The following SLC2A2 variants were observed in gnomAD, a reference collection of about 807,000 sequenced individuals.
SLC2A2 encodes solute carrier family 2 member 2.
Under a neutral mutation model 54.5 loss-of-function variants are expected in SLC2A2, and 36 were observed. The observed-to-expected ratio is 0.66, with a 90% CI of 0.51 to 0.87. The LOEUF is 0.87. SLC2A2 is among the 40% of genes least tolerant of loss of function. The pLI is 0.00. For missense variants in SLC2A2, 543 were observed against 624.3 expected (o/e 0.87, Z 1.39); for synonymous variants, 223 against 219.1 (o/e 1.02, Z -0.16).
intron 3 of SLC2A2, among the ~76,000 whole-genome samples, chr3:171,013,911 G>A (rs1168519458): frequency 6.2e-5 from 7 of 113,472 alleles, no homozygotes; most frequent in African/African-American, 3.1e-4. Context: ...ATAAATGGGG[G>A]TATCTCTTGC....
intron 7 of SLC2A2, among the ~76,000 whole-genome samples, chr3:171,004,373 A>G (rs1715484550): frequency 6.6e-6 from 1 of 152,010 alleles, no homozygotes. Context: ...AATAAACATC[A>G]AGGACCTCTT....
chr3:170,998,939 G>C, intron 9 of SLC2A2, 126 bp downstream of exon 9: 1 of 764,310 alleles, frequency 1.3e-6, no homozygotes, highest in Non-Finnish European at 2.4e-6. Flanking sequence ...TTATGCTGTT[G>C]CTCTGGCTTT....
chr3:171,002,582 A>G lies in SLC2A2; in HGVS notation c.1062T>C (p.Ala354=), dbSNP rs1036836858. Residue 354 remains alanine, a synonymous_variant, in exon 8 of 11, where the codon GCT becomes GCC. Coordinates refer to ENST00000314251, the MANE Select transcript of SLC2A2 (RefSeq NM_000340.2). ...ATCTAGGGCATTGACTTACAGAGAC[A>G]GCAGTGAAAACCATGTTTACAGCGC... ...GVGAVNMVFT[A]VSVFLVEKAG... is the part of the protein sequence containing the mutation. 1 of 1,595,662 alleles carries G rather than the reference A, an allele frequency of 6.3e-7. No individual in the cohort carries two copies. The highest frequency in any genetic ancestry group is 8.6e-7 in the Non-Finnish European group (1 of 1,164,290).
In SLC2A2 at chr3:170,998,404, A is replaced by G; in HGVS notation, c.1171-8T>C. 6.2e-7 allele frequency: 1 copy of G among 1,612,142 alleles called. No individual in the cohort carries two copies. The highest frequency in any genetic ancestry group is 1.7e-4 in the Middle Eastern group (1 of 6,056). On this transcript the variant is annotated splice_polypyrimidine_tract_variant and splice_region_variant and intron_variant, in intron 9 of 10. Transcript: ENST00000314251. ...CATCCAAGAGAACTTATTCTGAGGA[A>G]AAAAACAAAAACAATAGTGGGACTG... is the stretch of plus-strand genomic sequence containing the variant.
At chr3:171,023,057 G>A (rs1230887068) in intron 1 of SLC2A2, among the ~76,000 whole-genome samples, 2 of 152,182 alleles carry the variant, frequency 1.3e-5, no homozygotes, top group Non-Finnish European at 2.9e-5. Context: ...GAAGGAGATA[G>A]GAGAGTTTTT....
intron 1 of SLC2A2, among the ~76,000 whole-genome samples, chr3:171,022,034 T>G (rs1716487886): frequency 1.3e-5 from 2 of 152,308 alleles, no homozygotes; most frequent in South Asian, 4.2e-4. Context: ...TGTAAAGTCT[T>G]TTGCCACATA....
rs1234105767 is a variant in SLC2A2, at chr3:170,997,780, T to A, written c.*123A>T. The A allele has an allele frequency of 1.2e-6, 1 of 818,192 alleles. No individual in the cohort carries two copies. The highest frequency in any genetic ancestry group is 2.0e-6 in the Non-Finnish European group (1 of 491,422). 50.7% of individuals were successfully genotyped at this position (818,192 alleles called of 1,614,324 possible). A position where few individuals can be genotyped will look rare whatever the true frequency, so the allele number is the denominator to read the frequency against. On this transcript the variant is annotated 3_prime_UTR_variant, in exon 11 of 11. Coordinates refer to ENST00000314251, the MANE Select transcript of SLC2A2 (RefSeq NM_000340.2). The stretch of plus-strand genomic sequence containing the variant: ...TGGTAATATTTGATGACATTTCTGA[T>A]GAGAGCACATAAAAATAAAACAATA...
intron 4 of SLC2A2, among the ~76,000 whole-genome samples, chr3:171,008,190 G>T (rs1374376839): frequency 6.6e-6 from 1 of 152,056 alleles, no homozygotes; most frequent in African/African-American, 2.4e-5. Flanking sequence ...TGATCTTTGT[G>T]TAAAAGATGC....
chr3:171,023,446 G>A (rs1323477193), intron 1 of SLC2A2, among the ~76,000 whole-genome samples: 4 of 152,198 alleles, frequency 2.6e-5, no homozygotes, highest in Non-Finnish European at 5.9e-5. Context: ...ATGAAAAGAA[G>A]TAATGTTTAT....
Position 171,000,392 on chromosome 3 carries a change from A to G in SLC2A2, c.1069-1226T>C, listed in dbSNP as rs187307295. ...CATTTCTTTGTGAATAAGCTCCCTT[A>G]CTATAAACTCTAAAACTGAACATCT... is the stretch of plus-strand genomic sequence containing the variant. On this transcript the variant is annotated intron_variant, in intron 8 of 10. Coordinates refer to ENST00000314251, the MANE Select transcript of SLC2A2 (RefSeq NM_000340.2). Among the ~76,000 whole-genome samples, 476 of 152,196 alleles carry G rather than the reference A, an allele frequency of 3.1e-3. 2 individuals are homozygous for G. The highest frequency in any genetic ancestry group is 0.011 in the African/African-American group (460 of 41,542).
rs6790946 is a variant in SLC2A2 at position 171,022,001 on chromosome 3, A to G, written c.16-3378T>C. The stretch of plus-strand genomic sequence containing the variant: ...GGTAATCCAGGAAAATCTCATCTCT[A>G]GGTCTATTACCTTAATCTCATCTGT... On this transcript the variant is annotated intron_variant, in intron 1 of 10. Coordinates refer to ENST00000314251, the MANE Select transcript of SLC2A2 (RefSeq NM_000340.2). 6.4e-3 allele frequency among the ~76,000 whole-genome samples: 981 copies of G among 152,290 alleles called. 13 individuals are homozygous for G. The highest frequency in any genetic ancestry group is 0.022 in the African/African-American group (910 of 41,552).
chr3:171,009,923 G>GTA (rs1256406825), intron 4 of SLC2A2, 35 bp downstream of exon 4: 6 of 1,540,736 alleles, frequency 3.9e-6, no homozygotes, highest in Non-Finnish European at 5.3e-6. Context: ...GTGTGTGTGT[G>GTA]TGTGTGTGTG....
Position 170,997,976 on chromosome 3 carries a change from T to G in SLC2A2, c.1502A>C (p.Lys501Thr). The G allele has an allele frequency of 1.2e-6, 2 of 1,613,750 alleles. No individual in the cohort carries two copies. The highest frequency in any genetic ancestry group is 1.7e-6 in the Non-Finnish European group (2 of 1,179,762). The change falls in exon 11 of 11, where the codon AAG becomes ACG. Residue 501 changes from lysine to threonine, a missense_variant. By Grantham distance (78) the Lys-to-Thr change is moderately conservative (BLOSUM62 -1). Coordinates refer to ENST00000314251, the MANE Select transcript of SLC2A2 (RefSeq NM_000340.2). ...SFEEIAAEFQ[K>T]KSGSAHRPKA... is the part of the protein sequence containing the mutation. ...TGGCCTGTGGGCTGAGCCACTCTTC[T>G]TTTGGAATTCTGCAGCAATTTCCTC...
chr3:171,001,729 T>G (rs1327261508), intron 8 of SLC2A2, among the ~76,000 whole-genome samples: 1 of 151,890 alleles, frequency 6.6e-6, no homozygotes, highest in Non-Finnish European at 1.5e-5. Context: ...TTGTCTTTAT[T>G]GTTGTTTGTT....
intron 7 of SLC2A2, among the ~76,000 whole-genome samples, chr3:171,004,378 C>T (rs1036459533): frequency 1.3e-5 from 2 of 151,938 alleles, no homozygotes; most frequent in African/African-American, 2.4e-5. Flanking sequence ...ACATCAAGGA[C>T]CTCTTAAAGG....
chr3:171,014,604 G>T lies in SLC2A2; in HGVS notation c.236C>A (p.Thr79Asn). 1 of 1,614,118 alleles carries T rather than the reference G, an allele frequency of 6.2e-7. No homozygotes were observed. Reference sequence around the variant, plus strand: ...CACAGTCTCTTCCTCAGCCCAAGGGGTTGGTTTTGGGTTCATTGAGTATGA... The same window carrying T: ...CACAGTCTCTTCCTCAGCCCAAGGGTTTGGTTTTGGGTTCATTGAGTATGA... ...TISYSMNPKP[T>N]PWAEEETVAA... Residue 79 changes from threonine to asparagine, a missense_variant, in exon 3 of 11, where the codon ACC becomes AAC. Thr to Asn is a moderately conservative substitution (Grantham distance 65). This residue lies in a region of SLC2A2 where 318 missense variants were observed against 343.8 expected (regional missense o/e 0.93). Coordinates refer to ENST00000314251, the MANE Select transcript of SLC2A2 (RefSeq NM_000340.2).
At chr3:171,016,911 T>G (rs1454134752) in intron 2 of SLC2A2, among the ~76,000 whole-genome samples, 1 of 150,668 alleles carries the variant, frequency 6.6e-6, no homozygotes, top group East Asian at 2.0e-4. Flanking sequence ...TGAAGTGCAA[T>G]GTGCGATTGC....
At chr3:171,020,640 T>A (rs1716415382) in intron 1 of SLC2A2, among the ~76,000 whole-genome samples, 3 of 152,096 alleles carry the variant, frequency 2.0e-5, no homozygotes, top group African/African-American at 7.2e-5. Flanking sequence ...CCCACCACTT[T>A]GAGGGACTGA....
At chr3:171,021,967 A>G (rs1716484805) in intron 1 of SLC2A2, among the ~76,000 whole-genome samples, 2 of 152,124 alleles carry the variant, frequency 1.3e-5, no homozygotes, top group South Asian at 4.1e-4. Flanking sequence ...ATTAGATTTG[A>G]CCCATCAGGG....
Sources: allele counts gnomAD v4.1 joint callset (sites outside exome capture counted in the v4.1 genomes callset), GRCh38; gene constraint gnomAD v4.1.1; regional missense constraint gnomAD v4.1.1; transcripts MANE v1.5; gene names NCBI Gene and HGNC (gene_info 2026-07-23, HGNC 2026-07-21).